Variants in BTBD2 observed in about 807,000 individuals in gnomAD.
The protein encoded by BTBD2 is BTB/POZ domain-containing protein 2.
Under a neutral mutation model 44.0 loss-of-function variants are expected in BTBD2, and 15 were observed. The observed-to-expected ratio is 0.34, with a 90% confidence interval of 0.23 to 0.53. The LOEUF (loss-of-function observed/expected upper bound fraction) is 0.53. Among genes scored for constraint, BTBD2 ranks in the 20% least tolerant of loss-of-function variants. The pLI, the probability that BTBD2 is intolerant of heterozygous loss-of-function variation, is 0.95. For missense variants in BTBD2, 657 were observed against 746.4 expected (o/e 0.88, Z 1.39); for synonymous variants, 443 against 335.9 (o/e 1.32, Z -3.49).
chr19:1,990,418 A>G (rs1048226538), intron 4 of BTBD2: 28 of 630,022 alleles, frequency 4.4e-5, no homozygotes, highest in Admixed American at 4.3e-4. Context: ...TTAAGCCACA[A>G]GGACAGACTT....
chr19:2,001,428 G>A (rs550403677), intron 1 of BTBD2, among the ~76,000 whole-genome samples: 10 of 152,282 alleles, frequency 6.6e-5, no homozygotes, highest in African/African-American at 2.2e-4. Context: ...GGAGGCGGAG[G>A]TCGCAGTGAG....
rs1015792366 is a variant in BTBD2 at position 1,990,429 on chromosome 19, G to A, written c.791-228C>T. The stretch of plus-strand genomic sequence containing the variant: ...GTTTTTAAGCCACAAGGACAGACTT[G>A]AGTAGCTTTGACAAAAGCTGTTCAA... On this transcript the variant is annotated intron_variant, in intron 4 of 8. Transcript: ENST00000255608. 6.5e-6 allele frequency: 4 copies of A among 619,052 alleles called. No individual in the cohort carries two copies. The African/African-American group carries it at 7.4e-5, about 11-fold the overall frequency. 38.3% of individuals were successfully genotyped at this position (619,052 alleles called of 1,614,324 possible). A position where few individuals can be genotyped will look rare whatever the true frequency, so the allele number is the denominator to read the frequency against.
rs777810607 is a variant in BTBD2, at chr19:1,997,450, C to T, written c.421G>A (p.Val141Met). ...ATGGCATCAAAGACGGCGCTGCCCA[C>T]GGCCAGCACGAACCTGGTACGGGAG... ...RIPAHRFVLA[V>M]GSAVFDAMFN... Residue 141 changes from valine to methionine, a missense_variant, in exon 2 of 9, where the codon GTG becomes ATG. Coordinates refer to ENST00000255608, the MANE Select transcript of BTBD2 (RefSeq NM_017797.4). 1.2e-5 allele frequency: 20 copies of T among 1,613,946 alleles called. No individual in the cohort carries two copies. Among genetic ancestry groups the T allele is most frequent in the African/African-American group, 2.7e-5 (2 of 74,932 alleles).
intron 2 of BTBD2, among the ~76,000 whole-genome samples, chr19:1,994,952 A>G (rs535228680): frequency 9.9e-4 from 151 of 151,894 alleles, no homozygotes; most frequent in African/African-American, 3.6e-3. Context: ...TGTCATGAAG[A>G]TTTGATTCTG....
chr19:1,986,695 G>A (rs773326272), intron 8 of BTBD2, 46 bp from the exon 9 acceptor site: 6 of 1,603,402 alleles, frequency 3.7e-6, no homozygotes, highest in African/African-American at 2.7e-5. Context: ...ACCAGGCTGG[G>A]ATGCCCCAGG....
chr19:2,006,515 A>G (rs2016396501), intron 1 of BTBD2, among the ~76,000 whole-genome samples: 1 of 149,224 alleles, frequency 6.7e-6, no homozygotes. Context: ...TCAAAAAAAA[A>G]AAAAAAGAAA....
At chr19:1,990,504 G>A (rs1454181732) in intron 4 of BTBD2, 2 of 613,890 alleles carry the variant, frequency 3.3e-6, no homozygotes, top group East Asian at 5.5e-5. Flanking sequence ...GTCACCATCA[G>A]CTGGGATGGT....
chr19:2,011,101 T>C (rs2016458836), intron 1 of BTBD2, among the ~76,000 whole-genome samples: 1 of 152,044 alleles, frequency 6.6e-6, no homozygotes, highest in Admixed American at 6.6e-5. Context: ...TGCGGACCTC[T>C]CAGCCCCAGG....
chr19:2,015,165 AGAGGGGTGCAGGGCTCGGGGATG>A (rs1208916323), intron 1 of BTBD2, 109 bp downstream of exon 1: 52 of 1,249,836 alleles, frequency 4.2e-5, no homozygotes, highest in Non-Finnish European at 5.0e-5. Context: ...TCCCGGGGAC[AGAGGGGTGCAGGGCTCGGGGATG>A]GAGGGGTGCG....
At chr19:1,994,038 C>G (rs113516207) in intron 2 of BTBD2, among the ~76,000 whole-genome samples, 2 of 124,574 alleles carry the variant, frequency 1.6e-5, no homozygotes, top group East Asian at 5.0e-4. Context: ...GCAGCACAGG[C>G]CGGCCTGGTG....
In BTBD2 at chr19:1,989,717, G is replaced by A; in HGVS notation, c.988+287C>T. On this transcript the variant is annotated intron_variant, in intron 5 of 8. Transcript: ENST00000255608. ...GTACCTGCACCAGCAGGTAGCACAA[G>A]GGCGCGAGACGGGGACTCCCTTCCC... 6.5e-6 allele frequency: 3 copies of A among 464,870 alleles called. No individual in the cohort carries two copies. In the East Asian group the frequency reaches 1.2e-4, roughly 19 times the overall value. The allele number at this position is 464,870 out of a possible 1,614,324, so 28.8% of individuals were successfully genotyped here.
rs767903520 is a variant in BTBD2 at position 1,997,338 on chromosome 19, C to G, written c.527+6G>C. The G allele has an allele frequency of 6.2e-7, 1 of 1,614,112 alleles. No individual in the cohort carries two copies. Among genetic ancestry groups the G allele is most frequent in the Admixed American group, 1.7e-5 (1 of 59,996 alleles). ...CTCCCCAGCAGGAAGCATCCGGAAG[C>G]ATTACTTGAGCAGTGCGAGGAAGGC... On this transcript the variant is annotated splice_donor_region_variant and intron_variant, in intron 2 of 8. Coordinates refer to ENST00000255608, the MANE Select transcript of BTBD2 (RefSeq NM_017797.4).
intron 1 of BTBD2, among the ~76,000 whole-genome samples, chr19:2,004,755 G>T (rs2145644139): frequency 6.6e-6 from 1 of 151,324 alleles, no homozygotes; most frequent in South Asian, 2.1e-4. Flanking sequence ...AAGGCAGGAG[G>T]ATCACTTGAG....
chr19:1,989,678 C>A, intron 5 of BTBD2: 1 of 386,946 alleles, frequency 2.6e-6, no homozygotes, highest in Non-Finnish European at 4.9e-6. Context: ...CTCCTGAGCT[C>A]GTCACAGACA....
Position 1,987,551 on chromosome 19 carries a change from A to G in BTBD2, c.1130T>C (p.Phe377Ser), listed in dbSNP as rs1299042414. The G allele has an allele frequency of 6.2e-6, 10 of 1,609,122 alleles. No individual in the cohort carries two copies. Among genetic ancestry groups the G allele is most frequent in the African/African-American group, 1.3e-5 (1 of 74,524 alleles). Residue 377 changes from phenylalanine to serine, a missense_variant, in exon 6 of 9, where the codon TTC becomes TCC. By Grantham distance (155) the Phe-to-Ser change is radical. Around this residue, in one of 3 missense-constraint regions of BTBD2, gnomAD observed 449 missense variants for 510.9 expected, o/e 0.88. Coordinates refer to ENST00000255608, the MANE Select transcript of BTBD2 (RefSeq NM_017797.4). The stretch of plus-strand genomic sequence containing the variant: ...GCCCCAGCGACTCTCCACCTGCTGG[A>G]AGCGGTTGATGCTGCACTCCTTCCC... ...LRGKECSINR[F>S]QQVESRWGYS...
intron 1 of BTBD2, 149 bp downstream of exon 1, chr19:2,015,148 G>C (rs1365791434): frequency 3.0e-5 from 38 of 1,274,086 alleles, no homozygotes; most frequent in East Asian, 2.2e-4. Flanking sequence ...ATGCAGGGGT[G>C]CAGGGGTCCC....
rs2016098921 is a variant in BTBD2 at position 1,987,177 on chromosome 19, C to G, written c.1258G>C (p.Val420Leu). The G allele has an allele frequency of 3.1e-6, 5 of 1,613,646 alleles. No homozygotes were observed. Among genetic ancestry groups the G allele is most frequent in the Non-Finnish European group, 4.2e-6 (5 of 1,179,804 alleles). Residue 420 changes from valine (V) to leucine (L), a missense_variant, in exon 7 of 9, where the codon GTG (valine) becomes CTG (leucine). Physicochemically the swap from Val to Leu is conservative, Grantham distance 32. Coordinates refer to ENST00000255608, the MANE Select transcript of BTBD2 (RefSeq NM_017797.4). ...GSIHGPTDYQ[V>L]NIQIIHTDSN... ...CTTGGGGCTGGTACCTGGATGTTCA[C>G]TTGGTAGTCGGTGGGCCCGTGGATG...
At chr19:1,997,791 T>C (rs2016270995) in intron 1 of BTBD2, among the ~76,000 whole-genome samples, 1 of 152,244 alleles carries the variant, frequency 6.6e-6, no homozygotes, top group African/African-American at 2.4e-5. Context: ...TATGCATGCA[T>C]TTATTCACAC....
chr19:2,002,282 T>C (rs2016339305), intron 1 of BTBD2, among the ~76,000 whole-genome samples: 1 of 152,230 alleles, frequency 6.6e-6, no homozygotes, highest in South Asian at 2.1e-4. Context: ...GGTCTCGCTA[T>C]GTTGCCCAGG....
Sources: gnomAD v4.1 joint callset for allele counts (sites outside exome capture counted in the v4.1 genomes callset) on GRCh38, gnomAD v4.1.1 for gene constraint, gnomAD v4.1.1 regional missense constraint, MANE v1.5 for transcripts, NCBI Gene and HGNC (gene_info 2026-07-23, HGNC 2026-07-21) for gene names.